NRAP: variants seen among roughly 807,000 people sequenced by gnomAD.
NRAP encodes the protein nebulin-related-anchoring protein.
NRAP carries 189 observed loss-of-function variants against 225.9 expected under a neutral mutation model. The observed-to-expected ratio is 0.84, with a 90% CI of 0.74 to 0.94. The LOEUF (loss-of-function observed/expected upper bound fraction) is 0.94, where lower values mean the gene tolerates loss of function less well. Ranked by LOEUF, NRAP falls within the 40% of genes least tolerant of loss-of-function variation. The pLI is 0.00. For missense variants in NRAP, 2,176 were observed against 2,168.7 expected (o/e 1.00, Z -0.07); for synonymous variants, 769 against 790.7 (o/e 0.97, Z 0.46).
At chr10:113,640,395 G>C in intron 13 of NRAP, 64 bp from the exon 14 acceptor site, 1 of 902,772 alleles carries the variant, frequency 1.1e-6, no homozygotes, top group Non-Finnish European at 1.7e-6. Context: ...GGCTTTGTTT[G>C]AATGCCATAA....
At chr10:113,605,954 G>T in intron 33 of NRAP, 85 bp from the exon 34 acceptor site, 1 of 1,010,596 alleles carries the variant, frequency 9.9e-7, no homozygotes, top group Non-Finnish European at 1.6e-6. Context: ...ATAGCACAGT[G>T]TTCCAGAATC....
At chr10:113,657,247 A>T (rs1850364111) in intron 4 of NRAP, among the ~76,000 whole-genome samples, 1 of 152,172 alleles carries the variant, frequency 6.6e-6, no homozygotes, top group South Asian at 2.1e-4. Context: ...GGTGATAGAA[A>T]TACAGTGGTT....
chr10:113,601,178 G>C (rs904791017), intron 35 of NRAP, among the ~76,000 whole-genome samples: 1 of 152,218 alleles, frequency 6.6e-6, no homozygotes, highest in Non-Finnish European at 1.5e-5. Flanking sequence ...AGTCAAGCAA[G>C]ACTGGGCCGG....
At chr10:113,614,751 C>T in intron 28 of NRAP, 88 bp downstream of exon 28, 1 of 793,504 alleles carries the variant, frequency 1.3e-6, no homozygotes, top group Non-Finnish European at 2.3e-6. Context: ...GAATTATCCA[C>T]AGGCAAAAGA....
In NRAP at chr10:113,590,683, C is replaced by A; in HGVS notation, c.4851G>T (p.Gln1617His). 1 of 1,614,208 alleles carries A rather than the reference C, an allele frequency of 6.2e-7. No individual in the cohort carries two copies. The change falls in exon 40 of 42, where the codon CAG (glutamine) becomes CAT (histidine). Residue 1617 changes from glutamine (Q) to histidine (H), a missense_variant. This residue lies in a region of NRAP where 445 missense variants were observed against 426.1 expected (regional missense o/e 1.04). Transcript: ENST00000359988. Reference protein sequence around the residue: ...PGLLQAKRSQQLASDVHYRQP... With the variant: ...PGLLQAKRSQHLASDVHYRQP... Reference sequence around the variant, plus strand: ...GCCTGTAGTGCACATCACTGGCCAGCTGCTGGCTCCTCTTGGCCTGAAGGA... The same window carrying A: ...GCCTGTAGTGCACATCACTGGCCAGATGCTGGCTCCTCTTGGCCTGAAGGA...
intron 13 of NRAP, 79 bp downstream of exon 13, chr10:113,641,286 G>T: frequency 1.2e-6 from 1 of 834,712 alleles, no homozygotes; most frequent in Admixed American, 2.4e-5. Flanking sequence ...TTTTTTAAGG[G>T]GAATTTAAAA....
intron 18 of NRAP, among the ~76,000 whole-genome samples, chr10:113,631,095 T>A (rs1258860050): frequency 6.6e-6 from 1 of 152,138 alleles, no homozygotes; most frequent in African/African-American, 2.4e-5. Context: ...ATACCATAAG[T>A]GTTGTAACCA....
At chr10:113,603,526 C>T (rs1426105891) in intron 35 of NRAP, among the ~76,000 whole-genome samples, 4 of 152,128 alleles carry the variant, frequency 2.6e-5, no homozygotes, top group Non-Finnish European at 5.9e-5. Flanking sequence ...GTAACAGCTG[C>T]CCCCACGTCA....
In NRAP at chr10:113,617,544, G is replaced by A. The variant is rs760943556; in HGVS notation, c.2884C>T (p.Arg962Cys). Reference sequence around the variant, plus strand: ...AACTTCAAAGCATCTGGATGCTGACGGTACTTCTTCTGTTGAGCAGAAAAA... The same window carrying A: ...AACTTCAAAGCATCTGGATGCTGACAGTACTTCTTCTGTTGAGCAGAAAAA... ...AGELISEKKY[R>C]QHPDALKFTS... The change falls in exon 26 of 42, where the codon CGT (arginine) becomes TGT (cysteine). Residue 962 changes from arginine (R) to cysteine (C), a missense_variant. By Grantham distance (180) the Arg-to-Cys change is radical (BLOSUM62 -3). Around this residue, in one of 3 missense-constraint regions of NRAP, gnomAD observed 1,708 missense variants for 1,695.5 expected, o/e 1.01. Coordinates refer to ENST00000359988, the MANE Select transcript of NRAP (RefSeq NM_198060.4). 5.0e-6 allele frequency: 8 copies of A among 1,600,910 alleles called. No individual in the cohort carries two copies. Among genetic ancestry groups the A allele is most frequent in the Middle Eastern group, 1.7e-4 (1 of 6,048 alleles).
intron 20 of NRAP, among the ~76,000 whole-genome samples, chr10:113,626,611 T>G (rs1457166282): frequency 6.6e-6 from 1 of 152,086 alleles, no homozygotes; most frequent in African/African-American, 2.4e-5. Flanking sequence ...TTCAGTCTAG[T>G]GGGGAGCAGA....
Position 113,620,620 on chromosome 10 carries a change from C to G in NRAP, c.2858G>C (p.Gly953Ala). 1 of 1,612,502 alleles carries G rather than the reference C, an allele frequency of 6.2e-7. No homozygotes were observed. The highest frequency in any genetic ancestry group is 8.5e-7 in the Non-Finnish European group (1 of 1,178,586). ...SLNVEQAKKAGELISEKKYRQ... is the reference protein window; with the variant it reads ...SLNVEQAKKAAELISEKKYRQ... ...AAATCTCACCTCGCTAATGAGTTCT[C>G]CTGCCTTCTTCGCCTGCTCCACATT... The change falls in exon 25 of 42, where the codon GGA becomes GCA. Residue 953 changes from glycine (G) to alanine (A), a missense_variant. Gly to Ala is a moderately conservative substitution (Grantham distance 60). Around this residue, in one of 3 missense-constraint regions of NRAP, gnomAD observed 1,708 missense variants for 1,695.5 expected, o/e 1.01. Coordinates refer to ENST00000359988, the MANE Select transcript of NRAP (RefSeq NM_198060.4).
chr10:113,645,973 T>G, intron 10 of NRAP, 32 bp from the exon 11 acceptor site: 1 of 1,166,380 alleles, frequency 8.6e-7, no homozygotes, highest in Non-Finnish European at 1.2e-6. Flanking sequence ...GGGGCTGGAG[T>G]TGATGTTTCC....
chr10:113,614,143 TGGG>T, intron 29 of NRAP, 37 bp downstream of exon 29: 1 of 1,339,754 alleles, frequency 7.5e-7, no homozygotes, highest in African/African-American at 1.4e-5. Flanking sequence ...CGTTGTCAGG[TGGG>T]GGCCCTGCAG....
intron 41 of NRAP, 36 bp from the exon 42 acceptor site, chr10:113,589,115 G>A (rs1252530038): frequency 6.4e-7 from 1 of 1,569,658 alleles, no homozygotes; most frequent in Non-Finnish European, 8.8e-7. Context: ...TTAAAATGAA[G>A]CTCCCCCACC....
At chr10:113,620,565 A>G (rs1163857405) in intron 25 of NRAP, 39 bp downstream of exon 25, 1 of 1,277,082 alleles carries the variant, frequency 7.8e-7, no homozygotes, top group East Asian at 2.3e-5. Context: ...CGCACGCCTA[A>G]TGCAGCCAGG....
intron 30 of NRAP, among the ~76,000 whole-genome samples, chr10:113,610,827 C>G (rs1193735348): frequency 6.6e-6 from 1 of 152,152 alleles, no homozygotes; most frequent in Non-Finnish European, 1.5e-5. Context: ...AGAAGCGAGA[C>G]AGATTTTTAT....
intron 12 of NRAP, among the ~76,000 whole-genome samples, chr10:113,642,408 T>G (rs533083497): frequency 1.3e-5 from 2 of 152,282 alleles, no homozygotes; most frequent in South Asian, 4.1e-4. Flanking sequence ...TAAGCAAAAG[T>G]AAAGCATACT....
chr10:113,607,204 C>A (rs1449373993), intron 32 of NRAP, among the ~76,000 whole-genome samples: 1 of 145,078 alleles, frequency 6.9e-6, no homozygotes, highest in African/African-American at 2.5e-5. Context: ...CTGTCTCAAA[C>A]AAACAAACAA....
intron 40 of NRAP, 147 bp from the exon 41 acceptor site, chr10:113,589,944 C>T (rs1283981404): frequency 7.9e-6 from 7 of 886,064 alleles, no homozygotes; most frequent in Non-Finnish European, 1.2e-5. Context: ...ACAAATTTAT[C>T]ATAAGCAGCA....
Sources: gnomAD v4.1 joint callset for allele counts (sites outside exome capture counted in the v4.1 genomes callset) on GRCh38, gnomAD v4.1.1 for gene constraint, gnomAD v4.1.1 regional missense constraint, MANE v1.5 for transcripts, NCBI Gene and HGNC (gene_info 2026-07-23, HGNC 2026-07-21) for gene names.